Variants in RFX3 observed in about 807,000 individuals in gnomAD.
RFX3 encodes the protein transcription factor RFX3.
RFX3 carries 14 observed loss-of-function variants against 98.6 expected under a neutral mutation model. The observed-to-expected ratio is 0.14, with a 90% CI of 0.09 to 0.22. The LOEUF (loss-of-function observed/expected upper bound fraction) is 0.22. RFX3 is among the 10% of genes least tolerant of loss of function. The pLI is 1.00. For missense variants in RFX3, 639 were observed against 926.9 expected, an observed-to-expected ratio of 0.69 and a Z score of 4.03; for synonymous variants, 383 against 328.4, an observed-to-expected ratio of 1.17 and a Z score of -1.80.
chr9:3,313,116 G>T lies in RFX3; in HGVS notation c.475-11496C>A, dbSNP rs370383422. On this transcript the variant is annotated intron_variant, in intron 4 of 16. Transcript: ENST00000617270. Reference sequence around the variant, plus strand: ...TAGCGTAACTGAGAGACACTTCCCAGTAGGGGCCGACTGACACCTCATACA... The same window carrying T: ...TAGCGTAACTGAGAGACACTTCCCATTAGGGGCCGACTGACACCTCATACA... Among the ~76,000 whole-genome samples the T allele has an allele frequency of 2.6e-5, 4 of 152,308 alleles. No individual in the cohort carries two copies. The South Asian group carries it at 8.3e-4, about 32-fold the overall frequency.
intron 1 of RFX3, among the ~76,000 whole-genome samples, chr9:3,397,181 T>C (rs868162524): frequency 6.6e-6 from 1 of 152,208 alleles, no homozygotes; most frequent in South Asian, 2.1e-4. Flanking sequence ...CTAACAGGTA[T>C]GCTTTCTCCG....
At chr9:3,416,379 C>CA (rs1842981757) in intron 1 of RFX3, among the ~76,000 whole-genome samples, 6 of 152,074 alleles carry the variant, frequency 3.9e-5, no homozygotes, top group Admixed American at 3.3e-4. Context: ...GACCTAAAGA[C>CA]GGGTATTCAT....
At chr9:3,463,232 C>T (rs1468766724) in intron 1 of RFX3, among the ~76,000 whole-genome samples, 4 of 151,976 alleles carry the variant, frequency 2.6e-5, no homozygotes, top group Non-Finnish European at 5.9e-5. Context: ...TATATATGGT[C>T]AACTGATTTT....
intron 16 of RFX3, among the ~76,000 whole-genome samples, chr9:3,227,133 C>G (rs1817872771): frequency 6.6e-6 from 1 of 152,110 alleles, no homozygotes; most frequent in Non-Finnish European, 1.5e-5. Context: ...TGCTCCCTGT[C>G]CACAGACTTC....
At chr9:3,320,770 T>TGC (rs1195189889) in intron 4 of RFX3, among the ~76,000 whole-genome samples, 1 of 19,662 alleles carries the variant, frequency 5.1e-5, no homozygotes, top group Non-Finnish European at 8.4e-5. Context: ...CTACATAGCA[T>TGC]ATATATATAT....
intron 4 of RFX3, among the ~76,000 whole-genome samples, chr9:3,311,046 CA>C (rs1246051798): frequency 2.6e-5 from 4 of 152,140 alleles, no homozygotes; most frequent in African/African-American, 9.7e-5. Flanking sequence ...ATTATAAAAA[CA>C]GTTACCTAAT....
At chr9:3,504,411 T>C (rs1382004541) in intron 1 of RFX3, among the ~76,000 whole-genome samples, 1 of 134,260 alleles carries the variant, frequency 7.4e-6, no homozygotes, top group Non-Finnish European at 1.5e-5. Flanking sequence ...ATAAAATATA[T>C]ATTATATACC....
intron 15 of RFX3, among the ~76,000 whole-genome samples, chr9:3,232,553 T>C (rs978135166): frequency 1.3e-5 from 2 of 152,224 alleles, no homozygotes; most frequent in African/African-American, 4.8e-5. Flanking sequence ...CCACCTGGTA[T>C]AGTGCCTGAT....
At chr9:3,423,263 A>T (rs186200580) in intron 1 of RFX3, among the ~76,000 whole-genome samples, 1 of 152,224 alleles carries the variant, frequency 6.6e-6, no homozygotes, top group Non-Finnish European at 1.5e-5. Flanking sequence ...TATAGTAACC[A>T]TATGACCCAA....
intron 1 of RFX3, among the ~76,000 whole-genome samples, chr9:3,503,222 C>G (rs1205249329): frequency 2.0e-5 from 3 of 152,152 alleles, no homozygotes; most frequent in Middle Eastern, 3.4e-3. Context: ...AATGCCTGGG[C>G]ATATTTGCAA....
At chr9:3,252,680 G>C (rs1001730777) in intron 14 of RFX3, among the ~76,000 whole-genome samples, 1 of 152,154 alleles carries the variant, frequency 6.6e-6, no homozygotes, top group South Asian at 2.1e-4. Flanking sequence ...GTAGGGTCTA[G>C]TAGGCCATGA....
chr9:3,324,594 A>G (rs1178348020), intron 4 of RFX3, among the ~76,000 whole-genome samples: 1 of 149,020 alleles, frequency 6.7e-6, no homozygotes, highest in Non-Finnish European at 1.5e-5. Flanking sequence ...TGTAAAAAAA[A>G]AAAAAAGAGA....
intron 1 of RFX3, among the ~76,000 whole-genome samples, chr9:3,504,972 A>ATAATATATATTATATATATC (rs1316211073): frequency 9.1e-5 from 6 of 66,266 alleles, no homozygotes; most frequent in African/African-American, 4.3e-4. Flanking sequence ...TATAATATAT[A>ATAATATATATTATATATATC]TTATATAATA....
chr9:3,349,100 T>C (rs1482371053), intron 2 of RFX3, among the ~76,000 whole-genome samples: 2 of 152,206 alleles, frequency 1.3e-5, no homozygotes, highest in Non-Finnish European at 2.9e-5. Context: ...ATACATATCA[T>C]AAATTCATAG....
chr9:3,366,794 T>C (rs1387675078), intron 2 of RFX3, among the ~76,000 whole-genome samples: 1 of 149,812 alleles, frequency 6.7e-6, no homozygotes, highest in African/African-American at 2.5e-5. Flanking sequence ...TCTGGGTGTT[T>C]CAGTTGGATT....
At chr9:3,505,201 T>TTATATTCATATAA (rs1816824250) in intron 1 of RFX3, among the ~76,000 whole-genome samples, 1 of 51,922 alleles carries the variant, frequency 1.9e-5, no homozygotes, top group Non-Finnish European at 2.7e-5. Flanking sequence ...AATATATATT[T>TTATATTCATATAA]ATATATATAT....
chr9:3,344,185 A>G (rs1834185256), intron 3 of RFX3, among the ~76,000 whole-genome samples: 1 of 152,204 alleles, frequency 6.6e-6, no homozygotes, highest in Non-Finnish European at 1.5e-5. Flanking sequence ...GCATAATTTT[A>G]CAGCAATAAC....
chr9:3,468,583 C>G (rs987022060), intron 1 of RFX3, among the ~76,000 whole-genome samples: 3 of 152,086 alleles, frequency 2.0e-5, no homozygotes, highest in African/African-American at 4.8e-5. Context: ...GTAATGTAGG[C>G]AGCTTAGCAC....
chr9:3,282,610 A>T (rs1826050732), intron 7 of RFX3, among the ~76,000 whole-genome samples: 1 of 151,778 alleles, frequency 6.6e-6, no homozygotes, highest in Non-Finnish European at 1.5e-5. Context: ...GGCAGACATG[A>T]TTCTCTGATC....
Sources: gnomAD v4.1 joint callset for allele counts (sites outside exome capture counted in the v4.1 genomes callset) on GRCh38, gnomAD v4.1.1 for gene constraint, MANE v1.5 for transcripts, NCBI Gene and HGNC (gene_info 2026-07-23, HGNC 2026-07-21) for gene names.